The following KCND2 variants were observed in gnomAD, a reference collection of about 807,000 sequenced individuals.
The protein encoded by KCND2 is potassium voltage-gated channel subfamily D member 2, also known as A-type voltage-gated potassium channel KCND2.
A neutral mutation model predicts 54.4 loss-of-function variants in KCND2; 16 were observed. The ratio of observed to expected loss-of-function variants is 0.29; its 90% CI spans 0.20 to 0.45. The LOEUF (loss-of-function observed/expected upper bound fraction) is 0.45. KCND2 is among the 20% of genes least tolerant of loss of function. The pLI is 1.00. For missense variants in KCND2, 486 were observed against 824.2 expected, an observed-to-expected ratio of 0.59 and a Z score of 5.02; for synonymous variants, 317 against 310.7, an observed-to-expected ratio of 1.02 and a Z score of -0.21.
chr7:120,488,430 G>C (rs1169359463), intron 1 of KCND2, among the ~76,000 whole-genome samples: 1 of 151,996 alleles, frequency 6.6e-6, no homozygotes, highest in Non-Finnish European at 1.5e-5. Flanking sequence ...CAGGACGAAT[G>C]TGCTCTTGAT....
intron 1 of KCND2, among the ~76,000 whole-genome samples, chr7:120,616,693 G>A (rs1020903463): frequency 2.0e-5 from 3 of 152,098 alleles, no homozygotes; most frequent in African/African-American, 7.2e-5. Context: ...AGTAAATAAA[G>A]GTAAACATTT....
chr7:120,476,201 A>G (rs1202524979), intron 1 of KCND2, among the ~76,000 whole-genome samples: 1 of 152,148 alleles, frequency 6.6e-6, no homozygotes, highest in African/African-American at 2.4e-5. Context: ...ACCTTTCAAC[A>G]TCTCAATATT....
intron 1 of KCND2, among the ~76,000 whole-genome samples, chr7:120,470,579 A>G (rs923745520): frequency 1.1e-4 from 17 of 152,050 alleles, no homozygotes; most frequent in Admixed American, 4.6e-4. Context: ...CTTTTTAACT[A>G]TCTGCTTTGT....
At chr7:120,599,843 G>C (rs1027511900) in intron 1 of KCND2, among the ~76,000 whole-genome samples, 1 of 151,904 alleles carries the variant, frequency 6.6e-6, no homozygotes, top group Non-Finnish European at 1.5e-5. Flanking sequence ...AATAGGAGTA[G>C]TGAGTGCAGA....
chr7:120,628,745 C>A (rs191540325), intron 1 of KCND2, among the ~76,000 whole-genome samples: 40 of 152,256 alleles, frequency 2.6e-4, no homozygotes, highest in Admixed American at 7.2e-4. Flanking sequence ...CCCAAGTGCC[C>A]AGTTCCAGCC....
At chr7:120,730,604 A>G (rs999453668) in intron 1 of KCND2, among the ~76,000 whole-genome samples, 2 of 152,202 alleles carry the variant, frequency 1.3e-5, no homozygotes, top group Non-Finnish European at 2.9e-5. Context: ...ACTATAAATT[A>G]ATACTGTTAT....
In KCND2 at chr7:120,732,898, C is replaced by T; in HGVS notation, c.1116-5C>T. 6.2e-7 allele frequency: 1 copy of T among 1,610,762 alleles called. No homozygotes were observed. Among genetic ancestry groups the T allele is most frequent in the Non-Finnish European group, 8.5e-7 (1 of 1,177,330 alleles). On this transcript the variant is annotated splice_region_variant and splice_polypyrimidine_tract_variant and intron_variant, in intron 1 of 5. Transcript: ENST00000331113. ...CAATATATATATATTTTTTCTTTAACTCAGGTATGGTGACATGGTGCCAAA... is the reference window on the plus strand; with the variant it reads ...CAATATATATATATTTTTTCTTTAATTCAGGTATGGTGACATGGTGCCAAA...
At chr7:120,726,179 G>A (rs1025627788) in intron 1 of KCND2, among the ~76,000 whole-genome samples, 2 of 152,150 alleles carry the variant, frequency 1.3e-5, no homozygotes, top group African/African-American at 2.4e-5. Context: ...TGATCCTCCA[G>A]GCAAGAGAGG....
chr7:120,430,556 A>G lies in KCND2; in HGVS notation c.1115+154809A>G, dbSNP rs541368522. On this transcript the variant is annotated intron_variant, in intron 1 of 5. Coordinates refer to ENST00000331113, the MANE Select transcript of KCND2 (RefSeq NM_012281.3). ...ACTGACAGAGCAAGACCCTATCTTA[A>G]AAAAAAAAAATCTGATTATAGATTT... 1.8e-3 allele frequency among the ~76,000 whole-genome samples: 276 copies of G among 149,276 alleles called. 1 individual carries two copies. Among genetic ancestry groups the G allele is most frequent in the Non-Finnish European group, 3.2e-3 (211 of 66,936 alleles).
chr7:120,708,292 C>G (rs1792495485), intron 1 of KCND2, among the ~76,000 whole-genome samples: 2 of 152,050 alleles, frequency 1.3e-5, no homozygotes, highest in African/African-American at 4.8e-5. Flanking sequence ...AATTACAAAC[C>G]TTCTAGGTAA....
chr7:120,634,892 C>G (rs1793285018), intron 1 of KCND2, among the ~76,000 whole-genome samples: 1 of 152,192 alleles, frequency 6.6e-6, no homozygotes, highest in Non-Finnish European at 1.5e-5. Flanking sequence ...GCGTTGCTGT[C>G]TAGATGTCAG....
At chr7:120,621,029 C>T (rs1320266519) in intron 1 of KCND2, among the ~76,000 whole-genome samples, 2 of 152,022 alleles carry the variant, frequency 1.3e-5, no homozygotes, top group Non-Finnish European at 2.9e-5. Context: ...AATCCCAGCA[C>T]TTTGAGAGGC....
chr7:120,712,215 G>A (rs1483950223), intron 1 of KCND2, among the ~76,000 whole-genome samples: 1 of 89,034 alleles, frequency 1.1e-5, no homozygotes, highest in African/African-American at 4.1e-5. Context: ...TATTTTGTGG[G>A]TTTTCTTTGA....
At chr7:120,692,042 A>C (rs1174327031) in intron 1 of KCND2, among the ~76,000 whole-genome samples, 1 of 152,184 alleles carries the variant, frequency 6.6e-6, no homozygotes, top group Non-Finnish European at 1.5e-5. Context: ...GTTTTGGTGA[A>C]ATCATGGGGT....
At chr7:120,340,837 C>T (rs1407378836) in intron 1 of KCND2, among the ~76,000 whole-genome samples, 6 of 152,120 alleles carry the variant, frequency 3.9e-5, no homozygotes, top group Non-Finnish European at 8.8e-5. Flanking sequence ...GAGAAGACAA[C>T]TGGAATTAAA....
At chr7:120,683,252 T>C (rs1446738801) in intron 1 of KCND2, among the ~76,000 whole-genome samples, 1 of 152,292 alleles carries the variant, frequency 6.6e-6, no homozygotes, top group South Asian at 2.1e-4. Context: ...CTTTTTCTAA[T>C]GGTGTCATTA....
In KCND2 at chr7:120,748,752, A is replaced by C. The variant is rs1282383951; in HGVS notation, c.*894A>C. The stretch of plus-strand genomic sequence containing the variant: ...CTTTTTAATCCAAAACTATTGTGCC[A>C]TAAATGTTTTTCAGTAATATTTTTT... On this transcript the variant is annotated 3_prime_UTR_variant, in exon 6 of 6. Coordinates refer to ENST00000331113, the MANE Select transcript of KCND2 (RefSeq NM_012281.3). 1.3e-5 allele frequency: 2 copies of C among 152,094 alleles called. No individual in the cohort carries two copies. The highest frequency in any genetic ancestry group is 2.9e-5 in the Non-Finnish European group (2 of 67,880). The allele number at this position is 152,094 out of a possible 1,614,324, so 9.4% of individuals were successfully genotyped here.
chr7:120,351,365 T>TACACACAC (rs59756091), intron 1 of KCND2, among the ~76,000 whole-genome samples: 4 of 94,764 alleles, frequency 4.2e-5, no homozygotes, highest in Admixed American at 1.3e-4. Context: ...TCGAAGAGCA[T>TACACACAC]ACACACACAC....
At chr7:120,411,913 T>A (rs1247485486) in intron 1 of KCND2, among the ~76,000 whole-genome samples, 5 of 151,992 alleles carry the variant, frequency 3.3e-5, no homozygotes, top group Non-Finnish European at 7.4e-5. Flanking sequence ...TTGCAACTCA[T>A]GTACCTAATT....
Sources: gnomAD v4.1 joint callset for allele counts (sites outside exome capture counted in the v4.1 genomes callset) on GRCh38, gnomAD v4.1.1 for gene constraint, MANE v1.5 for transcripts, NCBI Gene and HGNC (gene_info 2026-07-23, HGNC 2026-07-21) for gene names.